The following SFMBT1 variants were observed in gnomAD, a reference collection of about 807,000 sequenced individuals.
SFMBT1 encodes the protein Scm like with four mbt domains 1.
Under a neutral mutation model 108.7 loss-of-function variants are expected in SFMBT1, and 32 were observed. The ratio of observed to expected loss-of-function variants is 0.29; its 90% CI spans 0.22 to 0.40. SFMBT1 has a LOEUF of 0.40. SFMBT1 is among the 10% of genes least tolerant of loss of function. The pLI, the probability that SFMBT1 is intolerant of heterozygous loss-of-function variation, is 1.00. For missense variants in SFMBT1, 816 were observed against 1,059.6 expected (o/e 0.77, Z 3.19); for synonymous variants, 348 against 369.5 (o/e 0.94, Z 0.67).
chr3:52,923,544 G>C (rs945041678), intron 10 of SFMBT1, among the ~76,000 whole-genome samples: 8 of 147,978 alleles, frequency 5.4e-5, no homozygotes, highest in African/African-American at 2.0e-4. Flanking sequence ...TGGGCAACAA[G>C]AGCAAAGCTC....
chr3:52,913,733 T>C, intron 14 of SFMBT1, 116 bp from the exon 15 acceptor site: 1 of 1,093,734 alleles, frequency 9.1e-7, no homozygotes. Flanking sequence ...AATATAAAGT[T>C]TGGAATTACT....
intron 8 of SFMBT1, among the ~76,000 whole-genome samples, chr3:52,928,651 TATACACATATATAC>T (rs1559514144): frequency 0.012 from 263 of 22,826 alleles, 4 homozygotes; most frequent in South Asian, 0.023. Flanking sequence ...TATATATATA[TATACACATATATAC>T]ATATATACAC....
intron 1 of SFMBT1, among the ~76,000 whole-genome samples, chr3:52,974,893 C>G (rs1051894135): frequency 2.0e-5 from 3 of 150,418 alleles, no homozygotes; most frequent in African/African-American, 7.4e-5. Flanking sequence ...TGTAATCCCA[C>G]CTACTCAGGA....
intron 8 of SFMBT1, among the ~76,000 whole-genome samples, chr3:52,929,174 G>C (rs1462221643): frequency 6.6e-6 from 1 of 152,150 alleles, no homozygotes; most frequent in South Asian, 2.1e-4. Flanking sequence ...CTTAGTTTAA[G>C]CTTATGCTAC....
chr3:52,980,938 G>A (rs1704688963), intron 1 of SFMBT1, among the ~76,000 whole-genome samples: 1 of 152,190 alleles, frequency 6.6e-6, no homozygotes, highest in Non-Finnish European at 1.5e-5. Context: ...CGAGGCGGGT[G>A]GATCACCTGA....
intron 17 of SFMBT1, among the ~76,000 whole-genome samples, chr3:52,910,205 CT>C (rs1702183008): frequency 6.6e-6 from 1 of 152,122 alleles, no homozygotes; most frequent in Non-Finnish European, 1.5e-5. Context: ...AATTTCTTCC[CT>C]TGTTTGTTAT....
chr3:53,001,658 C>G (rs1206890086), intron 1 of SFMBT1, among the ~76,000 whole-genome samples: 1 of 148,446 alleles, frequency 6.7e-6, no homozygotes, highest in Non-Finnish European at 1.5e-5. Flanking sequence ...AATTTTAGCA[C>G]TTTAGAAGGC....
In SFMBT1 at chr3:52,928,427, G is replaced by T. The variant is rs376278263; in HGVS notation, c.898-86C>A. 3.5e-6 allele frequency: 5 copies of T among 1,410,102 alleles called. No individual in the cohort carries two copies. In the East Asian group the frequency reaches 1.2e-4, roughly 34 times the overall value. The allele number at this position is 1,410,102 out of a possible 1,614,324, so 87.3% of individuals were successfully genotyped here. On this transcript the variant is annotated intron_variant, in intron 8 of 20. Coordinates refer to ENST00000394752, the MANE Select transcript of SFMBT1 (RefSeq NM_016329.4). ...TGGCACAGCCAAACATATTACAAAA[G>T]TTCATACTCATGTGGGTATTAATAA...
intron 1 of SFMBT1, among the ~76,000 whole-genome samples, chr3:53,005,450 C>T (rs762365500): frequency 3.3e-5 from 5 of 152,182 alleles, no homozygotes; most frequent in African/African-American, 4.8e-5. Context: ...GTAGCTAGGA[C>T]TACAGGTGCA....
intron 1 of SFMBT1, among the ~76,000 whole-genome samples, chr3:52,982,014 T>C (rs748416731): frequency 3.3e-5 from 5 of 152,128 alleles, no homozygotes; most frequent in Non-Finnish European, 5.9e-5. Flanking sequence ...CAAGTTCTTT[T>C]GATATTTGAC....
chr3:52,937,846 G>T (rs961456871), intron 4 of SFMBT1, among the ~76,000 whole-genome samples: 5 of 152,128 alleles, frequency 3.3e-5, no homozygotes, highest in African/African-American at 4.8e-5. Flanking sequence ...CTCCCAAAGT[G>T]CTGGGATTAC....
intron 1 of SFMBT1, among the ~76,000 whole-genome samples, chr3:53,010,300 A>G (rs758557901): frequency 1.3e-5 from 2 of 152,218 alleles, no homozygotes; most frequent in Non-Finnish European, 2.9e-5. Flanking sequence ...CAAGGAGTGC[A>G]AGGGGGTGTG....
intron 3 of SFMBT1, among the ~76,000 whole-genome samples, chr3:52,952,507 G>C (rs1178391761): frequency 3.9e-5 from 6 of 152,138 alleles, no homozygotes; most frequent in Admixed American, 3.9e-4. Flanking sequence ...CATCTGGGGT[G>C]CTACACCAAA....
intron 1 of SFMBT1, among the ~76,000 whole-genome samples, chr3:53,036,322 G>A (rs1030656440): frequency 4.6e-5 from 7 of 152,076 alleles, no homozygotes; most frequent in South Asian, 2.1e-4. Flanking sequence ...TTTACTTATC[G>A]GGCTTCCTAG....
At chr3:53,044,351 A>G (rs903460442) in intron 1 of SFMBT1, among the ~76,000 whole-genome samples, 1 of 152,218 alleles carries the variant, frequency 6.6e-6, no homozygotes. Flanking sequence ...CAAAGCTACA[A>G]TGGGTAAGAA....
At chr3:52,988,142 C>A (rs1358728393) in intron 1 of SFMBT1, among the ~76,000 whole-genome samples, 1 of 152,208 alleles carries the variant, frequency 6.6e-6, no homozygotes, top group Non-Finnish European at 1.5e-5. Context: ...TCCAATCACT[C>A]ACCAAACTTT....
rs1281784937 is a variant in SFMBT1 at position 52,905,105 on chromosome 3, T to A, written c.*31A>T. On this transcript the variant is annotated 3_prime_UTR_variant, in exon 21 of 21. Coordinates refer to ENST00000394752, the MANE Select transcript of SFMBT1 (RefSeq NM_016329.4). The stretch of plus-strand genomic sequence containing the variant: ...GTGAAGGATTTGCTGCATTTGTGCT[T>A]CAAAGATCCAGCTCACTTTGGTTGT... 4.3e-6 allele frequency: 7 copies of A among 1,610,522 alleles called. No homozygotes were observed. In the East Asian group the frequency reaches 1.6e-4, roughly 36 times the overall value.
chr3:52,931,398 T>C (rs1297527778), intron 6 of SFMBT1, among the ~76,000 whole-genome samples: 1 of 152,232 alleles, frequency 6.6e-6, no homozygotes, highest in African/African-American at 2.4e-5. Flanking sequence ...AACAATTTGC[T>C]GTGACCCAAT....
intron 1 of SFMBT1, among the ~76,000 whole-genome samples, chr3:53,040,054 T>C (rs1040465249): frequency 6.6e-6 from 1 of 152,128 alleles, no homozygotes; most frequent in African/African-American, 2.4e-5. Context: ...AAAATTACCA[T>C]ATACTATTTT....
Sources: allele counts gnomAD v4.1 joint callset (sites outside exome capture counted in the v4.1 genomes callset), GRCh38; gene constraint gnomAD v4.1.1; transcripts MANE v1.5; gene names NCBI Gene and HGNC (gene_info 2026-07-23, HGNC 2026-07-21).